The following NYAP2 variants were observed in gnomAD, a reference collection of about 807,000 sequenced individuals.
The protein encoded by NYAP2 is neuronal tyrosine-phosphorylated phosphoinositide-3-kinase adaptor 2.
NYAP2 carries 23 observed loss-of-function variants against 50.4 expected under a neutral mutation model. The observed-to-expected ratio is 0.46, with a 90% confidence interval of 0.33 to 0.65. The LOEUF is 0.65. NYAP2 is among the 30% of genes least tolerant of loss of function. The pLI is 0.02. For synonymous variants in NYAP2, 394 were observed against 365.2 expected (o/e 1.08, Z -0.90); for missense variants, 885 against 861.0 (o/e 1.03, Z -0.35).
intron 4 of NYAP2, among the ~76,000 whole-genome samples, chr2:225,553,534 C>G (rs1691719093): frequency 1.3e-5 from 2 of 152,218 alleles, no homozygotes; most frequent in African/African-American, 2.4e-5. Context: ...AAGGTTAGCA[C>G]AGCCAAATGG....
intron 2 of NYAP2, among the ~76,000 whole-genome samples, chr2:225,402,974 G>A (rs976051702): frequency 6.6e-6 from 1 of 151,964 alleles, no homozygotes; most frequent in Non-Finnish European, 1.5e-5. Flanking sequence ...ATATTAATTT[G>A]CATATGTATT....
intron 4 of NYAP2, among the ~76,000 whole-genome samples, chr2:225,517,923 G>A (rs1049341715): frequency 6.6e-6 from 1 of 152,026 alleles, no homozygotes; most frequent in African/African-American, 2.4e-5. Flanking sequence ...AGTGAACAGA[G>A]CAAAAATTTA....
rs770333813 is a variant in NYAP2 at position 225,582,821 on chromosome 2, C to T, written c.1404C>T (p.Ser468=). ...TGCATTCGGGCAGCCTCTCAAGGAG[C>T]TCTCCTTCAGTGCCTCACTCGACCC... Residue 468 remains serine, a synonymous_variant, in exon 5 of 7, where the codon AGC becomes AGT. Transcript: ENST00000636099. The surrounding 1 kb of genome is among the most constrained non-coding windows in gnomAD (Gnocchi z 7.0). 6.8e-6 allele frequency: 11 copies of T among 1,613,934 alleles called. No homozygotes were observed. The Admixed American group carries it at 1.5e-4, about 22-fold the overall frequency.
the NYAP2 span, among the ~76,000 whole-genome samples, chr2:225,659,382 T>C: frequency 3.9e-5 from 6 of 152,340 alleles, no homozygotes; most frequent in South Asian, 1.2e-3. Context: ...ACCTCTCATG[T>C]GCTTACCATG....
At chr2:225,689,472 G>C in the NYAP2 span, among the ~76,000 whole-genome samples, 36 of 152,202 alleles carry the variant, frequency 2.4e-4, no homozygotes, top group Non-Finnish European at 4.4e-4. Flanking sequence ...GTACATCACA[G>C]GTGATTTTTA....
intron 3 of NYAP2, among the ~76,000 whole-genome samples, chr2:225,468,957 G>GA (rs1216845726): frequency 1.6e-4 from 24 of 151,882 alleles, no homozygotes; most frequent in Non-Finnish European, 2.9e-5. Flanking sequence ...ATTCCAATTG[G>GA]AAAAAATAAG....
chr2:225,425,181 T>C (rs951159738), intron 3 of NYAP2, among the ~76,000 whole-genome samples: 1 of 152,180 alleles, frequency 6.6e-6, no homozygotes, highest in Non-Finnish European at 1.5e-5. Flanking sequence ...CTTGAGGGTA[T>C]TGCTCACACA....
chr2:225,596,406 C>T (rs533905015), intron 5 of NYAP2, among the ~76,000 whole-genome samples: 56 of 152,220 alleles, frequency 3.7e-4, no homozygotes, highest in African/African-American at 1.3e-3. Context: ...TTTATTGCAG[C>T]AAATAGCACA....
intron 4 of NYAP2, among the ~76,000 whole-genome samples, chr2:225,550,181 A>C (rs1184070772): frequency 6.6e-6 from 1 of 152,228 alleles, no homozygotes; most frequent in African/African-American, 2.4e-5. Context: ...TATGGCGACC[A>C]GAAAACATTT....
At chr2:225,693,189 C>T in the NYAP2 span, among the ~76,000 whole-genome samples, 1 of 152,076 alleles carries the variant, frequency 6.6e-6, no homozygotes, top group Admixed American at 6.6e-5. Flanking sequence ...ATTAATTACA[C>T]TTAGTCATTG....
At chr2:225,419,787 A>G (rs1370773495) in intron 3 of NYAP2, among the ~76,000 whole-genome samples, 1 of 152,192 alleles carries the variant, frequency 6.6e-6, no homozygotes, top group African/African-American at 2.4e-5. Flanking sequence ...TCTCAATAAC[A>G]TCACATGGCA....
At chr2:225,670,936 TA>T in the NYAP2 span, among the ~76,000 whole-genome samples, 1 of 152,080 alleles carries the variant, frequency 6.6e-6, no homozygotes, top group Non-Finnish European at 1.5e-5. Flanking sequence ...ATACCTTAAT[TA>T]AAAAAATACT....
At chr2:225,519,973 G>A (rs936996506) in intron 4 of NYAP2, among the ~76,000 whole-genome samples, 2 of 152,126 alleles carry the variant, frequency 1.3e-5, no homozygotes, top group Non-Finnish European at 2.9e-5. Context: ...TCTAACTGGT[G>A]TGAGATGGTA....
chr2:225,625,704 A>G (rs1271953090), intron 5 of NYAP2, among the ~76,000 whole-genome samples: 1 of 152,160 alleles, frequency 6.6e-6, no homozygotes, highest in African/African-American at 2.4e-5. Flanking sequence ...AGACAAAGCT[A>G]GAGGGGAAGG....
At chr2:225,501,408 G>A (rs1274266675) in intron 3 of NYAP2, among the ~76,000 whole-genome samples, 1 of 152,132 alleles carries the variant, frequency 6.6e-6, no homozygotes, top group African/African-American at 2.4e-5. Flanking sequence ...TAATTTAGAG[G>A]CTTCTACTGT....
chr2:225,479,357 T>C (rs1690168728), intron 3 of NYAP2, among the ~76,000 whole-genome samples: 1 of 152,188 alleles, frequency 6.6e-6, no homozygotes, highest in Admixed American at 6.5e-5. Flanking sequence ...ATTAACACTG[T>C]ACCTCAGTGA....
intron 3 of NYAP2, among the ~76,000 whole-genome samples, chr2:225,430,325 A>AC (rs1199230134): frequency 2.0e-5 from 3 of 152,336 alleles, no homozygotes; most frequent in Non-Finnish European, 4.4e-5. Context: ...GAATAATCAG[A>AC]CATGTCTACA....
intron 6 of NYAP2, among the ~76,000 whole-genome samples, chr2:225,628,497 A>G (rs899423367): frequency 6.6e-6 from 1 of 151,648 alleles, no homozygotes; most frequent in Non-Finnish European, 1.5e-5. Context: ...AAGTTTTTGT[A>G]TTTTTAATAG....
the NYAP2 span, among the ~76,000 whole-genome samples, chr2:225,688,015 T>C: frequency 7.2e-5 from 11 of 152,190 alleles, no homozygotes; most frequent in Non-Finnish European, 1.5e-4. Context: ...TCTCTGACAT[T>C]GGTGCCTAAG....
Sources: allele counts gnomAD v4.1 joint callset (sites outside exome capture counted in the v4.1 genomes callset), GRCh38; gene constraint gnomAD v4.1.1; non-coding constraint Gnocchi (gnomAD v3.1); transcripts MANE v1.5; gene names NCBI Gene and HGNC (gene_info 2026-07-23, HGNC 2026-07-21).